PRKG1: variants seen among roughly 807,000 people sequenced by gnomAD.
The protein encoded by PRKG1 is cGMP-dependent protein kinase 1.
PRKG1 carries 35 observed loss-of-function variants against 88.1 expected under a neutral mutation model. That is an observed-to-expected ratio of 0.40 (90% CI 0.30 to 0.53). PRKG1 has a LOEUF of 0.53. PRKG1 is among the 20% of genes least tolerant of loss of function. PRKG1 has a pLI of 0.59. For synonymous variants in PRKG1, 303 were observed against 292.5 expected, an observed-to-expected ratio of 1.04 and a Z score of -0.37; for missense variants, 540 against 839.8, an observed-to-expected ratio of 0.64 and a Z score of 4.41.
intron 4 of PRKG1, among the ~76,000 whole-genome samples, chr10:51,853,651 C>A (rs986676817): frequency 5.3e-5 from 8 of 152,082 alleles, no homozygotes; most frequent in Non-Finnish European, 1.0e-4. Flanking sequence ...AAAACAATAA[C>A]CTTTCAAAAT....
At chr10:51,426,226 A>G (rs1207486418) in intron 2 of PRKG1, among the ~76,000 whole-genome samples, 1 of 152,164 alleles carries the variant, frequency 6.6e-6, no homozygotes, top group Non-Finnish European at 1.5e-5. Context: ...GGTTGCAGGG[A>G]GCCGAGATCA....
At chr10:52,021,596 G>A (rs1383053367) in intron 5 of PRKG1, among the ~76,000 whole-genome samples, 2 of 152,140 alleles carry the variant, frequency 1.3e-5, no homozygotes, top group Admixed American at 6.6e-5. Flanking sequence ...TTACATATGT[G>A]TTTATTTCTA....
At chr10:51,210,102 T>G (rs994603086) in intron 2 of PRKG1, among the ~76,000 whole-genome samples, 1 of 151,964 alleles carries the variant, frequency 6.6e-6, no homozygotes, top group Non-Finnish European at 1.5e-5. Flanking sequence ...GAACAGAAAT[T>G]ATAACAAACT....
chr10:52,171,572 T>C (rs970364620), intron 9 of PRKG1, among the ~76,000 whole-genome samples: 2 of 152,280 alleles, frequency 1.3e-5, no homozygotes, highest in South Asian at 4.1e-4. Flanking sequence ...TAAATTCTAG[T>C]ACATGTAATC....
chr10:51,822,102 T>C (rs1394538446), intron 4 of PRKG1, among the ~76,000 whole-genome samples: 3 of 151,400 alleles, frequency 2.0e-5, no homozygotes, highest in East Asian at 1.9e-4. Flanking sequence ...TATACACACA[T>C]ATATATATAC....
intron 3 of PRKG1, among the ~76,000 whole-genome samples, chr10:51,578,872 C>T (rs1213193393): frequency 2.6e-5 from 4 of 151,346 alleles, no homozygotes; most frequent in South Asian, 2.1e-4. Flanking sequence ...CAACCATAGA[C>T]CATATAGCAT....
At chr10:52,071,264 A>G (rs1211506149) in intron 7 of PRKG1, among the ~76,000 whole-genome samples, 1 of 152,092 alleles carries the variant, frequency 6.6e-6, no homozygotes, top group African/African-American at 2.4e-5. Flanking sequence ...CATAGTACCT[A>G]AAAGGTAGAT....
At chr10:51,535,570 T>C (rs1842125461) in intron 3 of PRKG1, among the ~76,000 whole-genome samples, 1 of 152,208 alleles carries the variant, frequency 6.6e-6, no homozygotes. Context: ...TTATCTTTTA[T>C]CTTTTTCTTG....
At chr10:51,651,114 A>G (rs1432546845) in intron 3 of PRKG1, among the ~76,000 whole-genome samples, 1 of 152,158 alleles carries the variant, frequency 6.6e-6, no homozygotes, top group Non-Finnish European at 1.5e-5. Context: ...GAAACTAAGA[A>G]TCAAACACCT....
At chr10:52,199,568 C>T (rs1221960298) in intron 9 of PRKG1, among the ~76,000 whole-genome samples, 1 of 152,158 alleles carries the variant, frequency 6.6e-6, no homozygotes, top group African/African-American at 2.4e-5. Context: ...CAGAGATCTT[C>T]ATGCTGAGAC....
chr10:51,845,803 T>A (rs1453097571), intron 4 of PRKG1, among the ~76,000 whole-genome samples: 1 of 152,154 alleles, frequency 6.6e-6, no homozygotes, highest in Non-Finnish European at 1.5e-5. Flanking sequence ...TTTAGTTTTA[T>A]ACTACCTTCA....
At chr10:51,762,786 G>T (rs1838053800) in intron 3 of PRKG1, among the ~76,000 whole-genome samples, 1 of 152,092 alleles carries the variant, frequency 6.6e-6, no homozygotes, top group African/African-American at 2.4e-5. Context: ...TTTAATATCT[G>T]CCAGCAAAGG....
At chr10:52,278,478 A>T (rs1841924177) in intron 12 of PRKG1, among the ~76,000 whole-genome samples, 1 of 152,180 alleles carries the variant, frequency 6.6e-6, no homozygotes, top group South Asian at 2.1e-4. Context: ...CCCAAAGATT[A>T]TAAATCATTC....
chr10:51,991,114 A>G (rs1414388971), intron 5 of PRKG1, among the ~76,000 whole-genome samples: 1 of 152,046 alleles, frequency 6.6e-6, no homozygotes, highest in Non-Finnish European at 1.5e-5. Flanking sequence ...GGGATTGTTC[A>G]CCTCATTTCA....
intron 3 of PRKG1, among the ~76,000 whole-genome samples, chr10:51,703,138 G>A (rs144823457): frequency 3.3e-4 from 50 of 152,224 alleles, no homozygotes; most frequent in African/African-American, 1.0e-3. Flanking sequence ...CCAACTTCCT[G>A]ACCAGATTTG....
chr10:51,737,765 A>ATTATTATTG (rs1837326808), intron 3 of PRKG1, among the ~76,000 whole-genome samples: 1 of 105,494 alleles, frequency 9.5e-6, no homozygotes, highest in Admixed American at 9.2e-5. Context: ...TATTATTATT[A>ATTATTATTG]TTATTATTAT....
At chr10:51,159,415 C>T (rs907213768) in intron 2 of PRKG1, among the ~76,000 whole-genome samples, 1 of 152,022 alleles carries the variant, frequency 6.6e-6, no homozygotes, top group South Asian at 2.1e-4. Context: ...TCTTTAGAAT[C>T]GTTGAAATAC....
At chr10:51,560,584 G>A (rs1003443792) in intron 3 of PRKG1, among the ~76,000 whole-genome samples, 58 of 151,790 alleles carry the variant, frequency 3.8e-4, no homozygotes, top group Non-Finnish European at 2.6e-4. Context: ...TTTCCCTACC[G>A]GCAATGTCTT....
At position 51,193,446 on chromosome 10, in the gene PRKG1, C is replaced by T. The variant is rs747770516; in HGVS notation, c.478+40116C>T. On this transcript the variant is annotated intron_variant, in intron 2 of 17. Coordinates refer to ENST00000373980, the MANE Select transcript of PRKG1 (RefSeq NM_006258.4). The stretch of plus-strand genomic sequence containing the variant: ...ATATAATAATGTTAAGAACCACTGC[C>T]GCAGATTTTATATTAGAAATTAATG... 7.9e-5 allele frequency among the ~76,000 whole-genome samples: 12 copies of T among 151,762 alleles called. No individual in the cohort carries two copies. The East Asian group carries it at 1.2e-3, about 15-fold the overall frequency.
Sources: allele counts gnomAD v4.1 joint callset (sites outside exome capture counted in the v4.1 genomes callset), GRCh38; gene constraint gnomAD v4.1.1; transcripts MANE v1.5; gene names NCBI Gene and HGNC (gene_info 2026-07-23, HGNC 2026-07-21).